The following ANO8 variants were observed in gnomAD, a reference collection of about 807,000 sequenced individuals.
ANO8 encodes the protein anoctamin 8.
Under a neutral mutation model 120.4 loss-of-function variants are expected in ANO8, and 67 were observed. The observed-to-expected ratio is 0.56, with a 90% confidence interval of 0.46 to 0.68. The LOEUF (loss-of-function observed/expected upper bound fraction) is 0.68. Among genes scored for constraint, ANO8 ranks in the 30% least tolerant of loss-of-function variants. The pLI is 0.00. For missense variants in ANO8, 1,526 were observed against 1,737.6 expected, an observed-to-expected ratio of 0.88 and a Z score of 2.16; for synonymous variants, 727 against 759.2, an observed-to-expected ratio of 0.96 and a Z score of 0.70.
At chr19:17,329,672 A>G (rs2074302311) in intron 12 of ANO8, 85 bp downstream of exon 12, 2 of 1,005,940 alleles carry the variant, frequency 2.0e-6, no homozygotes, top group Non-Finnish European at 3.0e-6. Flanking sequence ...GGGGCTGGAG[A>G]GCCCTTGGAC....
intron 8 of ANO8, 29 bp from the exon 9 acceptor site, chr19:17,330,533 A>G (rs1304229471): frequency 1.3e-6 from 2 of 1,487,958 alleles, no homozygotes; most frequent in Admixed American, 2.3e-5. Flanking sequence ...CGGGCCCAGC[A>G]TGAGCTCAGA....
intron 5 of ANO8, among the ~76,000 whole-genome samples, chr19:17,331,931 CT>C (rs71180396): frequency 0.015 from 1,204 of 78,572 alleles, 13 homozygotes; most frequent in African/African-American, 0.05. Context: ...CCGCGCCCGG[CT>C]TTTTTTTTTT....
chr19:17,328,035 C>T (rs955315223), intron 13 of ANO8, 127 bp downstream of exon 13: 2 of 1,362,330 alleles, frequency 1.5e-6, no homozygotes, highest in South Asian at 1.5e-5. Context: ...AGGCCTTCCT[C>T]TCCTGCAGCA....
rs368197226 is a variant in ANO8, at chr19:17,333,846, G to A, written c.107-46C>T. 2 of 1,499,370 alleles carry A rather than the reference G, an allele frequency of 1.3e-6. No individual in the cohort carries two copies. Among genetic ancestry groups the A allele is most frequent in the Non-Finnish European group, 1.8e-6 (2 of 1,101,370 alleles). The allele number at this position is 1,499,370 out of a possible 1,614,324, so 92.9% of individuals were successfully genotyped here. ...CCCGGGTCAGGCCACTCTGGGATCCGGACCCGGCCTCCAGTCTTGGCTCCT... is the reference window on the plus strand; with the variant it reads ...CCCGGGTCAGGCCACTCTGGGATCCAGACCCGGCCTCCAGTCTTGGCTCCT... On this transcript the variant is annotated intron_variant, in intron 1 of 17. Coordinates refer to ENST00000159087, the MANE Select transcript of ANO8 (RefSeq NM_020959.3). The surrounding 1 kb of genome is among the most constrained non-coding windows in gnomAD (Gnocchi z 7.2).
intron 13 of ANO8, 35 bp from the exon 14 acceptor site, chr19:17,327,915 T>A (rs2074284024): frequency 1.9e-6 from 3 of 1,598,814 alleles, no homozygotes; most frequent in Non-Finnish European, 2.6e-6. Flanking sequence ...TGGAAGCCTC[T>A]TCCCTGGGAC....
In ANO8 at chr19:17,331,176, T is replaced by A. The variant is rs2074315410; in HGVS notation, c.743A>T (p.Tyr248Phe). ...CDYFGVKIAM[Y>F]FAWLGFYTSA... The stretch of plus-strand genomic sequence containing the variant: ...CGTGTAGAAGCCCAGCCAGGCGAAG[T>A]ACATGGCAATTTTCACACCAAAGTA... The change falls in exon 7 of 18, where the codon TAC becomes TTC. Residue 248 changes from tyrosine (Y) to phenylalanine (F), a missense_variant. Physicochemically the swap from Tyr to Phe is conservative, Grantham distance 22. Coordinates refer to ENST00000159087, the MANE Select transcript of ANO8 (RefSeq NM_020959.3). The A allele has an allele frequency of 6.2e-7, 1 of 1,614,158 alleles. No homozygotes were observed. The highest frequency in any genetic ancestry group is 8.5e-7 in the Non-Finnish European group (1 of 1,180,030).
intron 17 of ANO8, 49 bp downstream of exon 17, chr19:17,324,668 A>C: frequency 6.6e-7 from 1 of 1,509,922 alleles, no homozygotes; most frequent in Middle Eastern, 1.8e-4. Flanking sequence ...ACCCTACCCT[A>C]TCCCCAAAGC....
Position 17,334,799 on chromosome 19 carries a change from C to T in ANO8, c.-129G>A, listed in dbSNP as rs893331644. The T allele has an allele frequency of 3.4e-6, 4 of 1,171,598 alleles. No individual in the cohort carries two copies. The highest frequency in any genetic ancestry group is 2.3e-6 in the Non-Finnish European group (2 of 883,754). The allele number at this position is 1,171,598 out of a possible 1,614,324, so 72.6% of individuals were successfully genotyped here. A position where few individuals can be genotyped will look rare whatever the true frequency, so the allele number is the denominator to read the frequency against. On this transcript the variant is annotated 5_prime_UTR_variant, in exon 1 of 18. Coordinates refer to ENST00000159087, the MANE Select transcript of ANO8 (RefSeq NM_020959.3). ...AGGCCGCGCCCGCCCGCGCCGGCCT[C>T]GGTCCTCGCTCGCCCGAGCGCTGCT...
rs773901743 is a variant in ANO8 at position 17,330,220 on chromosome 19, C to T, written c.1178G>A (p.Arg393His). The change falls in exon 10 of 18, where the codon CGT becomes CAT. Residue 393 changes from arginine (R) to histidine (H), a missense_variant. Coordinates refer to ENST00000159087, the MANE Select transcript of ANO8 (RefSeq NM_020959.3). ...GACCTTAGGCAGGAATCGGGCGAGA[C>T]GGGGCAACCCCTTCACGCTCAGCAC... ...ELVLSVKGLP[R>H]LARFLPKVML... is the part of the protein sequence containing the mutation. 9.9e-6 allele frequency: 16 copies of T among 1,613,878 alleles called. No individual in the cohort carries two copies. In the African/African-American group the frequency reaches 1.2e-4, roughly 12 times the overall value.
chr19:17,324,490 C>T (rs547287852), intron 17 of ANO8, among the ~76,000 whole-genome samples: 1 of 152,150 alleles, frequency 6.6e-6, no homozygotes, highest in African/African-American at 2.4e-5. Context: ...GGGGCTTTGG[C>T]ATCCCTCCCT....
At position 17,333,042 on chromosome 19, in the gene ANO8, C is replaced by T. The variant is rs367577327; in HGVS notation, c.490-16G>A. 22 of 1,613,900 alleles carry T rather than the reference C, an allele frequency of 1.4e-5. No individual in the cohort carries two copies. The South Asian group carries it at 2.1e-4, about 15-fold the overall frequency. On this transcript the variant is annotated splice_polypyrimidine_tract_variant and intron_variant, in intron 4 of 17. Coordinates refer to ENST00000159087, the MANE Select transcript of ANO8 (RefSeq NM_020959.3). This position sits in a 1 kb window ranked among gnomAD's most constrained non-coding sequence, Gnocchi z 7.2. Reference sequence around the variant, plus strand: ...TCTGGCGTTCCTGCGAGGAAGAGGGCGTGAGCTCAGGGAACTCATAGGCAC... The same window carrying T: ...TCTGGCGTTCCTGCGAGGAAGAGGGTGTGAGCTCAGGGAACTCATAGGCAC...
chr19:17,333,472 G>T lies in ANO8; in HGVS notation c.300C>A (p.His100Gln). 1 of 1,613,462 alleles carries T rather than the reference G, an allele frequency of 6.2e-7. No individual in the cohort carries two copies. The highest frequency in any genetic ancestry group is 8.5e-7 in the Non-Finnish European group (1 of 1,180,006). ...AGGCGTAGGCACGCGTGTGGCGGTG[G>T]TGGCGGACTTGCACGATGAGCTCGG... ...GIPELIVQVR[H>Q]HRHTRAYAFF... The change falls in exon 3 of 18, where the codon CAC becomes CAA. Residue 100 changes from histidine to glutamine, a missense_variant. This residue lies in a region of ANO8 where 322 missense variants were observed against 431.8 expected (regional missense o/e 0.75). Coordinates refer to ENST00000159087, the MANE Select transcript of ANO8 (RefSeq NM_020959.3). This position sits in a 1 kb window ranked among gnomAD's most constrained non-coding sequence, Gnocchi z 7.2.
Position 17,328,757 on chromosome 19 carries a change from C to G in ANO8, c.1631G>C (p.Arg544Thr). The G allele has an allele frequency of 7.5e-7, 1 of 1,326,572 alleles. No individual in the cohort carries two copies. Among genetic ancestry groups the G allele is most frequent in the Non-Finnish European group, 9.6e-7 (1 of 1,045,012 alleles). The allele number at this position is 1,326,572 out of a possible 1,614,324, so 82.2% of individuals were successfully genotyped here. Reference sequence around the variant, plus strand: ...CGCCCCGCAGCCCCCGCTGAGGCACCTGCGGCCCCCGCCCCCGCTGCCGCC... The same window carrying G: ...CGCCCCGCAGCCCCCGCTGAGGCACGTGCGGCCCCCGCCCCCGCTGCCGCC... Reference protein sequence around the residue: ...GGGGSGGGGRRCLSGGCGAPE... With the variant: ...GGGGSGGGGRTCLSGGCGAPE... Residue 544 changes from arginine to threonine, a missense_variant, in exon 13 of 18, where the codon AGG (arginine) becomes ACG (threonine). Physicochemically the swap from Arg to Thr is moderately conservative, Grantham distance 71 (BLOSUM62 -1). Transcript: ENST00000159087.
At position 17,324,914 on chromosome 19, in the gene ANO8, G is replaced by T. The variant is rs767774546; in HGVS notation, c.3134C>A (p.Pro1045Gln). 1 of 1,613,346 alleles carries T rather than the reference G, an allele frequency of 6.2e-7. No individual in the cohort carries two copies. Among genetic ancestry groups the T allele is most frequent in the Non-Finnish European group, 8.5e-7 (1 of 1,179,916 alleles). The change falls in exon 17 of 18, where the codon CCG becomes CAG. Residue 1045 changes from proline (P) to glutamine (Q), a missense_variant. Pro to Gln is a moderately conservative substitution (Grantham distance 76). Around this residue, in one of 8 missense-constraint regions of ANO8, gnomAD observed 489 missense variants for 548.6 expected, o/e 0.89. Coordinates refer to ENST00000159087, the MANE Select transcript of ANO8 (RefSeq NM_020959.3). ...CTTGCCAGCATGGAAGGCTTTGGGC[G>T]GTGAGTGGCTGCGCTCAGAGTCCCG... ...TRRDSERSHSPPKAFHAGKLF... is the reference protein window; with the variant it reads ...TRRDSERSHSQPKAFHAGKLF...
At chr19:17,329,080 G>A (rs2074297993) in intron 12 of ANO8, 97 bp from the exon 13 acceptor site, 4 of 987,354 alleles carry the variant, frequency 4.1e-6, no homozygotes, top group South Asian at 1.9e-5. Flanking sequence ...CCGGAGCACC[G>A]TGCCCAGACA....
At position 17,324,752 on chromosome 19, in the gene ANO8, T is replaced by C; in HGVS notation, c.3296A>G (p.Glu1099Gly). 1 of 1,532,902 alleles carries C rather than the reference T, an allele frequency of 6.5e-7. No homozygotes were observed. The highest frequency in any genetic ancestry group is 8.7e-7 in the Non-Finnish European group (1 of 1,143,066). The allele number at this position is 1,532,902 out of a possible 1,614,324, so 95.0% of individuals were successfully genotyped here. Residue 1099 changes from glutamate to glycine, a missense_variant, in exon 17 of 18, where the codon GAG (glutamate) becomes GGG (glycine). By Grantham distance (98) the Glu-to-Gly change is moderately conservative. Transcript: ENST00000159087. ...CTCTTCGGGCCGGGGGGCTTCCAGC[T>C]CCTCAGCCAGGGCCTCGTCCACCGG... ...SGPVDEALAE[E>G]LEAPRPEEEG...
intron 16 of ANO8, among the ~76,000 whole-genome samples, chr19:17,326,445 G>A (rs1413175974): frequency 2.6e-5 from 4 of 152,048 alleles, no homozygotes; most frequent in South Asian, 2.1e-4. Context: ...GCGGTGAGCC[G>A]AGATTGTGCC....
rs1172317608 is a variant in ANO8, at chr19:17,333,377, A to C, written c.350+45T>G. On this transcript the variant is annotated intron_variant, in intron 3 of 17. Transcript: ENST00000159087. The surrounding 1 kb of genome is among the most constrained non-coding windows in gnomAD (Gnocchi z 7.2). ...ATGGTTGGCACTTGGTAGAGCGGGG[A>C]GTCGGGTGGCAGGCTCAGCGAGAGG... The C allele has an allele frequency of 1.2e-6, 2 of 1,612,598 alleles. No individual in the cohort carries two copies. Among genetic ancestry groups the C allele is most frequent in the Admixed American group, 3.3e-5 (2 of 60,000 alleles).
Position 17,323,806 on chromosome 19 carries a change from G to C in ANO8, c.3410C>G (p.Pro1137Arg). The change falls in exon 18 of 18, where the codon CCG (proline) becomes CGG (arginine). Residue 1137 changes from proline (P) to arginine (R), a missense_variant. By Grantham distance (103) the Pro-to-Arg change is moderately radical. Coordinates refer to ENST00000159087, the MANE Select transcript of ANO8 (RefSeq NM_020959.3). ...GGGCGGTGTCGGGGGCCGGGGCAGC[G>C]GCATTGGCGGCGGCGGCGCGGGGCT... ...SRSPAPPPPM[P>R]LPRPPTPPAG... The C allele has an allele frequency of 8.7e-7, 1 of 1,147,716 alleles. No individual in the cohort carries two copies. The highest frequency in any genetic ancestry group is 1.1e-6 in the Non-Finnish European group (1 of 933,734). The allele number at this position is 1,147,716 out of a possible 1,614,324, so 71.1% of individuals were successfully genotyped here. A position where few individuals can be genotyped will look rare whatever the true frequency, so the allele number is the denominator to read the frequency against.
Sources: gnomAD v4.1 joint callset for allele counts (sites outside exome capture counted in the v4.1 genomes callset) on GRCh38, gnomAD v4.1.1 for gene constraint, gnomAD v4.1.1 regional missense constraint, Gnocchi (gnomAD v3.1) non-coding constraint, MANE v1.5 for transcripts, NCBI Gene and HGNC (gene_info 2026-07-23, HGNC 2026-07-21) for gene names.